SLC6A18: variants seen among roughly 807,000 people sequenced by gnomAD.
The protein encoded by SLC6A18 is inactive sodium-dependent neutral amino acid transporter B(0)AT3.
In SLC6A18, 58 loss-of-function variants were observed where a neutral mutation model predicts 62.9. The observed-to-expected ratio is 0.92, with a 90% CI of 0.75 to 1.15. The LOEUF (loss-of-function observed/expected upper bound fraction) is 1.15, where lower values mean the gene tolerates loss of function less well. SLC6A18 is among the 50% of genes most tolerant of loss of function. The pLI is 0.00. For synonymous variants in SLC6A18, 382 were observed against 365.8 expected, an observed-to-expected ratio of 1.04 and a Z score of -0.51; for missense variants, 793 against 836.6, an observed-to-expected ratio of 0.95 and a Z score of 0.64.
rs1227940744 is a variant in SLC6A18 at position 1,232,283 on chromosome 5, G to A, written c.225G>A (p.Glu75=). The A allele has an allele frequency of 3.1e-6, 5 of 1,612,902 alleles. No homozygotes were observed. Among genetic ancestry groups the A allele is most frequent in the Non-Finnish European group, 4.2e-6 (5 of 1,179,906 alleles). The change falls in exon 2 of 12, where the codon GAG becomes GAA. Residue 75 remains glutamate (E), a synonymous_variant. Transcript: ENST00000324642. ...AGGGGATCCCCATTTTCCACGTCGA[G>A]CTCGCCATCGGCCAGCGGCTGCGGA... ...VFEGIPIFHV[E]LAIGQRLRKG...
intron 4 of SLC6A18, 92 bp downstream of exon 4, chr5:1,235,754 C>A: frequency 7.5e-7 from 1 of 1,335,914 alleles, no homozygotes; most frequent in Non-Finnish European, 1.1e-6. Flanking sequence ...TGTCTACAAG[C>A]TCTTGCGAGG....
intron 1 of SLC6A18, 29 bp downstream of exon 1, chr5:1,225,666 A>G: frequency 6.6e-7 from 1 of 1,521,040 alleles, no homozygotes; most frequent in Non-Finnish European, 8.8e-7. Context: ...CCTGGGGCAG[A>G]CCCCTAAGCA....
At position 1,225,438 on chromosome 5, in the gene SLC6A18, G is replaced by A. The variant is rs1561172387; in HGVS notation, c.-40G>A. 1 of 1,580,510 alleles carries A rather than the reference G, an allele frequency of 6.3e-7. No individual in the cohort carries two copies. Among genetic ancestry groups the A allele is most frequent in the Non-Finnish European group, 8.6e-7 (1 of 1,164,718 alleles). On this transcript the variant is annotated 5_prime_UTR_variant, in exon 1 of 12. Coordinates refer to ENST00000324642, the MANE Select transcript of SLC6A18 (RefSeq NM_182632.3). ...CTCTCTAGTGCTGGGTGTGGAGTGA[G>A]GCACCACCCTTGCCCTGAAGCCTGG... is the stretch of plus-strand genomic sequence containing the variant.
Position 1,244,075 on chromosome 5 carries a change from C to T in SLC6A18, c.1337-139C>T, listed in dbSNP as rs555407754. The T allele has an allele frequency of 1.1e-5, 8 of 702,814 alleles. No individual in the cohort carries two copies. In the Admixed American group the frequency reaches 1.3e-4, roughly 12 times the overall value. The allele number at this position is 702,814 out of a possible 1,614,324, so 43.5% of individuals were successfully genotyped here. A position where few individuals can be genotyped will look rare whatever the true frequency, so the allele number is the denominator to read the frequency against. On this transcript the variant is annotated intron_variant, in intron 9 of 11. Transcript: ENST00000324642. ...AGGGCAGGGATGGAGGGTGGGAAGC[C>T]GAGAGAAGTCTCCAGCCCAGGTGCC...
intron 4 of SLC6A18, among the ~76,000 whole-genome samples, chr5:1,236,874 G>A (rs1746897134): frequency 6.6e-6 from 1 of 151,998 alleles, no homozygotes; most frequent in African/African-American, 2.4e-5. Flanking sequence ...GAGAGGACTG[G>A]AATTACTGAA....
chr5:1,236,697 C>G (rs936077357), intron 4 of SLC6A18, among the ~76,000 whole-genome samples: 18 of 152,170 alleles, frequency 1.2e-4, no homozygotes, highest in Admixed American at 9.2e-4. Context: ...ACCCATGGGC[C>G]ACAGACACAG....
At position 1,243,722 on chromosome 5, in the gene SLC6A18, G is replaced by A; in HGVS notation, c.1299G>A (p.Gly433=). 6.2e-7 allele frequency: 1 copy of A among 1,613,276 alleles called. No individual in the cohort carries two copies. The highest frequency in any genetic ancestry group is 8.5e-7 in the Non-Finnish European group (1 of 1,179,766). The change falls in exon 9 of 12, where the codon GGG becomes GGA. Residue 433 remains glycine (G), a synonymous_variant. Coordinates refer to ENST00000324642, the MANE Select transcript of SLC6A18 (RefSeq NM_182632.3). This position sits in a 1 kb window ranked among gnomAD's most constrained non-coding sequence, Gnocchi z 6.5. ...EAVITPLLDV[G]VLPRWVPKEA... ...TCATCACACCCCTGCTGGACGTGGG[G>A]GTCCTGCCTAGATGGGTCCCCAAGG...
Position 1,235,642 on chromosome 5 carries a change from G to A in SLC6A18, c.601G>A (p.Gly201Ser), listed in dbSNP as rs769368748. ...AGTCGTGTACATGTGTGTCATCAGG[G>A]GCATTGAGACTACAGGGAAGGTGAG... ...WAVVYMCVIR[G>S]IETTGKVIYF... Residue 201 changes from glycine to serine, a missense_variant, in exon 4 of 12, where the codon GGC (glycine) becomes AGC (serine). Physicochemically the swap from Gly to Ser is moderately conservative, Grantham distance 56. Transcript: ENST00000324642. The A allele has an allele frequency of 1.3e-5, 21 of 1,613,834 alleles. No individual in the cohort carries two copies. The highest frequency in any genetic ancestry group is 2.2e-5 in the East Asian group (1 of 44,894).
chr5:1,238,061 G>A lies in SLC6A18; in HGVS notation c.732+1G>A, dbSNP rs755582415. The A allele has an allele frequency of 5.6e-6, 9 of 1,608,114 alleles. No individual in the cohort carries two copies. Among genetic ancestry groups the A allele is most frequent in the Non-Finnish European group, 6.8e-6 (8 of 1,174,516 alleles). On this transcript the variant is annotated splice_donor_variant, in intron 5 of 11. Transcript: ENST00000324642. LOFTEE classifies it high-confidence loss of function. ...ACTCATCTACTTGTTCACTCCCAACGTAAGTGGGTCTTGGATCAAAGTTCA... is the reference window on the plus strand; with the variant it reads ...ACTCATCTACTTGTTCACTCCCAACATAAGTGGGTCTTGGATCAAAGTTCA...
chr5:1,233,888 C>G (rs1314286849), intron 3 of SLC6A18, among the ~76,000 whole-genome samples: 2 of 152,040 alleles, frequency 1.3e-5, no homozygotes, highest in African/African-American at 2.4e-5. Flanking sequence ...ACTACAGGCG[C>G]CTGCCACCAG....
intron 2 of SLC6A18, 53 bp downstream of exon 2, chr5:1,232,412 C>G (rs1746756593): frequency 6.4e-7 from 1 of 1,574,468 alleles, no homozygotes; most frequent in South Asian, 1.2e-5. Context: ...ACAGGGCCCT[C>G]CTGGATGAGA....
intron 11 of SLC6A18, 88 bp from the exon 12 acceptor site, chr5:1,245,760 G>C (rs1747199937): frequency 7.3e-7 from 1 of 1,365,768 alleles, no homozygotes; most frequent in African/African-American, 1.5e-5. Context: ...GTGGGCAGGT[G>C]GCTCTTGCCC....
In SLC6A18 at chr5:1,244,816, T is replaced by C. The variant is rs548990762; in HGVS notation, c.1656+49T>C. ...GGGAAGTCCTGGGACCCCTCGGGCT[T>C]GGTCTGGCCCCTACGGTGCCATCCG... is the stretch of plus-strand genomic sequence containing the variant. On this transcript the variant is annotated intron_variant, in intron 11 of 11. Transcript: ENST00000324642. 19 of 1,554,538 alleles carry C rather than the reference T, an allele frequency of 1.2e-5. No homozygotes were observed. In the East Asian group the frequency reaches 4.1e-4, roughly 34 times the overall value.
At chr5:1,239,180 A>C (rs1436739890) in intron 5 of SLC6A18, among the ~76,000 whole-genome samples, 1 of 152,220 alleles carries the variant, frequency 6.6e-6, no homozygotes, top group Non-Finnish European at 1.5e-5. Flanking sequence ...CTCCAGCCCC[A>C]AAAAACCTGC....
At chr5:1,235,242 G>A (rs1187417644) in intron 3 of SLC6A18, among the ~76,000 whole-genome samples, 2 of 152,232 alleles carry the variant, frequency 1.3e-5, no homozygotes, top group African/African-American at 4.8e-5. Context: ...GGCTGCCCCG[G>A]CTCAGCAGGG....
intron 8 of SLC6A18, 127 bp downstream of exon 8, chr5:1,242,990 C>A (rs879075602): frequency 3.6e-6 from 4 of 1,122,852 alleles, no homozygotes; most frequent in Non-Finnish European, 5.0e-6. Flanking sequence ...GCCTGTGAAC[C>A]AAGAACCCCA....
chr5:1,239,485 C>T lies in SLC6A18; in HGVS notation c.768C>T (p.Asp256=), dbSNP rs200960550. The T allele has an allele frequency of 2.4e-5, 38 of 1,614,054 alleles. No homozygotes were observed. The highest frequency in any genetic ancestry group is 6.7e-5 in the East Asian group (3 of 44,884). The change falls in exon 6 of 12, where the codon GAC becomes GAT. Residue 256 remains aspartate, a synonymous_variant. Transcript: ENST00000324642. ...HILQNPRVWL[D]AATQIFFSLS... is the part of the protein sequence containing the mutation. Reference sequence around the variant, plus strand: ...TCCAGAACCCCCGGGTGTGGCTGGACGCAGCCACCCAGATATTCTTCTCTC... The same window carrying T: ...TCCAGAACCCCCGGGTGTGGCTGGATGCAGCCACCCAGATATTCTTCTCTC...
intron 4 of SLC6A18, 28 bp from the exon 5 acceptor site, chr5:1,237,922 G>A: frequency 6.3e-7 from 1 of 1,580,590 alleles, no homozygotes. Context: ...GCCATTTCAA[G>A]TCTCATGACT....
chr5:1,244,154 C>A, intron 9 of SLC6A18, 60 bp from the exon 10 acceptor site: 1 of 1,381,002 alleles, frequency 7.2e-7, no homozygotes, highest in South Asian at 1.3e-5. Flanking sequence ...TCCTCCTGAC[C>A]CTCCCCACAC....
Sources: gnomAD v4.1 joint callset for allele counts (sites outside exome capture counted in the v4.1 genomes callset) on GRCh38, gnomAD v4.1.1 for gene constraint, Gnocchi (gnomAD v3.1) non-coding constraint, MANE v1.5 for transcripts, NCBI Gene and HGNC (gene_info 2026-07-23, HGNC 2026-07-21) for gene names.